Variants in TAS2R1 observed in about 807,000 individuals in gnomAD.
The protein encoded by TAS2R1 is taste 2 receptor member 1, also known as taste receptor type 2 member 1.
For missense variants in TAS2R1, 370 were observed against 353.4 expected (o/e 1.05, Z -0.38); for synonymous variants, 141 against 134.2 (o/e 1.05, Z -0.35).
the TAS2R1 span, among the ~76,000 whole-genome samples, chr5:9,898,101 T>C: frequency 2.2e-4 from 33 of 152,150 alleles, no homozygotes; most frequent in Non-Finnish European, 3.5e-4. Context: ...TTAATACATA[T>C]CTTAGGTTAA....
the TAS2R1 span, among the ~76,000 whole-genome samples, chr5:9,853,278 G>T: frequency 1.3e-5 from 2 of 152,244 alleles, no homozygotes; most frequent in Non-Finnish European, 2.9e-5. Context: ...CTTCGTGACT[G>T]CTCCCGCAGA....
At chr5:9,736,351 A>G in the TAS2R1 span, among the ~76,000 whole-genome samples, 2 of 152,110 alleles carry the variant, frequency 1.3e-5, no homozygotes, top group African/African-American at 2.4e-5. Context: ...TGCACTTACC[A>G]TTTCTGTGAA....
At chr5:9,875,909 A>G in the TAS2R1 span, among the ~76,000 whole-genome samples, 1 of 152,224 alleles carries the variant, frequency 6.6e-6, no homozygotes, top group African/African-American at 2.4e-5. Context: ...TGCTTTCTCA[A>G]TGACCTCTGG....
At chr5:9,735,379 A>G in the TAS2R1 span, among the ~76,000 whole-genome samples, 8 of 151,712 alleles carry the variant, frequency 5.3e-5, 1 homozygote, top group African/African-American at 2.0e-4. Flanking sequence ...TTTATTGCCA[A>G]TGCGTGAGAG....
intron 1 of TAS2R1, among the ~76,000 whole-genome samples, chr5:9,677,867 T>C (rs1740905475): frequency 6.6e-6 from 1 of 152,156 alleles, no homozygotes; most frequent in Non-Finnish European, 1.5e-5. Flanking sequence ...AGAGCACACA[T>C]GTGAATGTTT....
At chr5:9,817,334 GA>G in the TAS2R1 span, among the ~76,000 whole-genome samples, 3 of 151,952 alleles carry the variant, frequency 2.0e-5, no homozygotes, top group Non-Finnish European at 4.4e-5. Context: ...ATTTCATTTG[GA>G]AAAAAATATT....
chr5:9,723,631 T>A, the TAS2R1 span, among the ~76,000 whole-genome samples: 2 of 152,170 alleles, frequency 1.3e-5, no homozygotes, highest in Non-Finnish European at 2.9e-5. Flanking sequence ...GGCAGGGGTG[T>A]GCCAGGGCAC....
the TAS2R1 span, among the ~76,000 whole-genome samples, chr5:9,862,533 C>T: frequency 2.0e-5 from 3 of 152,292 alleles, no homozygotes; most frequent in South Asian, 2.1e-4. Flanking sequence ...AAAGAATCCA[C>T]TAAGTTAGAA....
At chr5:9,797,077 T>C in the TAS2R1 span, among the ~76,000 whole-genome samples, 6 of 152,236 alleles carry the variant, frequency 3.9e-5, no homozygotes, top group Non-Finnish European at 5.9e-5. Context: ...AGGAGTTTGA[T>C]TGGGCTCACC....
the TAS2R1 span, among the ~76,000 whole-genome samples, chr5:9,768,046 C>T: frequency 1.3e-5 from 2 of 151,938 alleles, no homozygotes; most frequent in African/African-American, 2.4e-5. Context: ...CATGATCTCT[C>T]TCCTGCCCCC....
chr5:9,903,363 G>A, the TAS2R1 span, among the ~76,000 whole-genome samples: 111 of 152,038 alleles, frequency 7.3e-4, 3 homozygotes, highest in South Asian at 0.014. Context: ...TGGGGAACAG[G>A]TGGTGCTTGG....
chr5:9,899,981 G>A, the TAS2R1 span, among the ~76,000 whole-genome samples: 3 of 152,272 alleles, frequency 2.0e-5, no homozygotes, highest in South Asian at 4.1e-4. Context: ...TATTTGGAGT[G>A]AAGATAAGTC....
At chr5:9,772,960 G>T in the TAS2R1 span, among the ~76,000 whole-genome samples, 1 of 151,986 alleles carries the variant, frequency 6.6e-6, no homozygotes, top group Admixed American at 6.5e-5. Context: ...GCCACTCTTT[G>T]CGTTTTGATT....
At chr5:9,795,219 T>C in the TAS2R1 span, among the ~76,000 whole-genome samples, 19 of 152,298 alleles carry the variant, frequency 1.2e-4, no homozygotes, top group Middle Eastern at 3.4e-3. Context: ...CAGAGGCAAT[T>C]TATGATTCTT....
chr5:9,686,006 C>T (rs1421762984), intron 1 of TAS2R1, among the ~76,000 whole-genome samples: 1 of 152,184 alleles, frequency 6.6e-6, no homozygotes, highest in East Asian at 1.9e-4. Context: ...GCTGGGACTA[C>T]AGGCATGCAC....
At chr5:9,716,793 G>A (rs1247740642), upstream of TAS2R1, among the ~76,000 whole-genome samples, 1 of 152,046 alleles carries the variant, frequency 6.6e-6, no homozygotes, top group Non-Finnish European at 1.5e-5. Flanking sequence ...ATCCAGCTCT[G>A]GATTTACCTA....
the TAS2R1 span, among the ~76,000 whole-genome samples, chr5:9,717,782 T>C: frequency 0.024 from 3,705 of 152,204 alleles, 57 homozygotes; most frequent in Middle Eastern, 0.078. Context: ...GAAATGTAAA[T>C]GTAAAAATAA....
chr5:9,849,710 C>T, the TAS2R1 span, among the ~76,000 whole-genome samples: 2 of 152,168 alleles, frequency 1.3e-5, no homozygotes, highest in South Asian at 2.1e-4. Context: ...AGGCTAAATA[C>T]TACCTGGTCC....
At chr5:9,860,397 G>T in the TAS2R1 span, among the ~76,000 whole-genome samples, 1 of 152,070 alleles carries the variant, frequency 6.6e-6, no homozygotes, top group Non-Finnish European at 1.5e-5. Context: ...CCCAGCTCAG[G>T]CTCCTTGCCT....
Sources: gnomAD v4.1 joint callset for allele counts (sites outside exome capture counted in the v4.1 genomes callset) on GRCh38, gnomAD v4.1.1 for gene constraint, MANE v1.5 for transcripts, NCBI Gene and HGNC (gene_info 2026-07-23, HGNC 2026-07-21) for gene names.